OPTC: variants seen among roughly 807,000 people sequenced by gnomAD.
The protein encoded by OPTC is oculoglycan.
Under a neutral mutation model 25.4 loss-of-function variants are expected in OPTC, and 22 were observed. The observed-to-expected ratio is 0.87, with a 90% CI of 0.62 to 1.24. OPTC has a LOEUF of 1.24. Ranked by LOEUF, OPTC falls within the 50% of genes most tolerant of loss-of-function variation. OPTC has a pLI of 0.00. For missense variants in OPTC, 417 were observed against 425.2 expected (o/e 0.98, Z 0.17); for synonymous variants, 169 against 179.3 (o/e 0.94, Z 0.46).
chr1:203,498,829 CAA>C lies in OPTC; in HGVS notation c.521_522del (p.Lys174ArgfsTer9). ...RISRIRAEDF[K>X]GLTKLKRIDL... is the part of the protein sequence containing the mutation. ...TCAGCCGTATCAGGGCCGAAGACTTCAAAGGGCTGAGTATGTAATGCCCTGGG... is the reference window on the plus strand; with the variant it reads ...TCAGCCGTATCAGGGCCGAAGACTTCAGGGCTGAGTATGTAATGCCCTGGG... On this transcript the variant is annotated frameshift_variant, in exon 4 of 8. Transcript: ENST00000367222. LOFTEE classifies it high-confidence loss of function. 1 of 1,613,932 alleles carries C rather than the reference CAA, an allele frequency of 6.2e-7. No homozygotes were observed. Among genetic ancestry groups the C allele is most frequent in the Non-Finnish European group, 8.5e-7 (1 of 1,180,018 alleles).
chr1:203,496,819 G>T (rs186247403), intron 2 of OPTC, among the ~76,000 whole-genome samples, 158 bp from the exon 3 acceptor site: 2 of 152,092 alleles, frequency 1.3e-5, no homozygotes, highest in African/African-American at 2.4e-5. Context: ...GCTCTGTCAG[G>T]TCCCCTTTTT....
rs202210987 is a variant in OPTC, at chr1:203,503,736, C to T, written c.*16C>T. The T allele has an allele frequency of 2.5e-6, 4 of 1,601,440 alleles. No individual in the cohort carries two copies. The highest frequency in any genetic ancestry group is 3.4e-6 in the Non-Finnish European group (4 of 1,179,828). On this transcript the variant is annotated 3_prime_UTR_variant, in exon 7 of 8. Transcript: ENST00000367222. ...CTTCACGTAGCTCGGAGCCCTTCCA[C>T]TCCTCCCAGGTAAGAACCCTCCAAG... is the stretch of plus-strand genomic sequence containing the variant.
chr1:203,506,367 T>C (rs1248124102), intron 7 of OPTC, among the ~76,000 whole-genome samples: 1 of 152,026 alleles, frequency 6.6e-6, no homozygotes. Context: ...GTCAGGCTGG[T>C]CTCGAACTCC....
chr1:203,495,889 A>T (rs1661269231), intron 1 of OPTC, 76 bp from the exon 2 acceptor site: 1 of 734,938 alleles, frequency 1.4e-6, no homozygotes, highest in Non-Finnish European at 2.4e-6. Flanking sequence ...AGTGGAGTAA[A>T]TCTGCGAGCC....
intron 7 of OPTC, among the ~76,000 whole-genome samples, chr1:203,507,231 A>G (rs913133961): frequency 6.6e-6 from 1 of 152,222 alleles, no homozygotes; most frequent in African/African-American, 2.4e-5. Flanking sequence ...GGGAAGGCAG[A>G]GAGCACCTCT....
chr1:203,496,849 C>A, intron 2 of OPTC, 128 bp from the exon 3 acceptor site: 1 of 964,394 alleles, frequency 1.0e-6, no homozygotes, highest in Non-Finnish European at 1.6e-6. Context: ...TTCTGCTATC[C>A]TTCCCTCCTC....
intron 5 of OPTC, 29 bp downstream of exon 5, chr1:203,499,880 A>G (rs760350208): frequency 1.5e-5 from 23 of 1,581,902 alleles, no homozygotes; most frequent in Non-Finnish European, 1.9e-5. Context: ...TCCACTATCT[A>G]TCACCTCCAC....
At chr1:203,497,203 T>A (rs1254234519) in intron 3 of OPTC, 88 bp downstream of exon 3, 1 of 1,476,540 alleles carries the variant, frequency 6.8e-7, no homozygotes, top group Admixed American at 1.8e-5. Context: ...AAGTGGAACG[T>A]GGTTGGGGTT....
chr1:203,497,202 G>A lies in OPTC; in HGVS notation c.370+87G>A, dbSNP rs563668765. 367 of 1,494,130 alleles carry A rather than the reference G, an allele frequency of 2.5e-4. 1 individual carries two copies. The highest frequency in any genetic ancestry group is 3.1e-4 in the Non-Finnish European group (334 of 1,085,804). 92.6% of individuals were successfully genotyped at this position (1,494,130 alleles called of 1,614,324 possible). A position where few individuals can be genotyped will look rare whatever the true frequency, so the allele number is the denominator to read the frequency against. Reference sequence around the variant, plus strand: ...GCACCAGGGGGTACCAAAGTGGAACGTGGTTGGGGTTGGGGCATGGAGGGT... The same window carrying A: ...GCACCAGGGGGTACCAAAGTGGAACATGGTTGGGGTTGGGGCATGGAGGGT... On this transcript the variant is annotated intron_variant, in intron 3 of 7. Transcript: ENST00000367222.
intron 3 of OPTC, 141 bp downstream of exon 3, chr1:203,497,256 A>G: frequency 1.2e-6 from 1 of 834,566 alleles, no homozygotes; most frequent in East Asian, 2.7e-5. Flanking sequence ...CAGGGAGAGA[A>G]GGGGAAATAG....
At chr1:203,506,200 G>A (rs1661484212) in intron 7 of OPTC, among the ~76,000 whole-genome samples, 2 of 150,442 alleles carry the variant, frequency 1.3e-5, no homozygotes, top group African/African-American at 4.9e-5. Flanking sequence ...TGCCCAGGGG[G>A]GAGTGCAATG....
intron 5 of OPTC, 31 bp from the exon 6 acceptor site, chr1:203,502,883 C>T: frequency 6.4e-7 from 1 of 1,574,362 alleles, no homozygotes; most frequent in Admixed American, 1.7e-5. Context: ...CAGGACCCAC[C>T]AGCCTCCTAC....
intron 2 of OPTC, among the ~76,000 whole-genome samples, chr1:203,496,707 G>A (rs1204896855): frequency 6.6e-6 from 1 of 152,052 alleles, no homozygotes; most frequent in Non-Finnish European, 1.5e-5. Context: ...GGGAGAGCAG[G>A]TTTCGTCTCT....
chr1:203,496,753 C>T (rs1661287479), intron 2 of OPTC, among the ~76,000 whole-genome samples: 1 of 152,006 alleles, frequency 6.6e-6, no homozygotes, highest in African/African-American at 2.4e-5. Flanking sequence ...ATCCTCATCC[C>T]TCTCCTCTCT....
intron 1 of OPTC, among the ~76,000 whole-genome samples, 175 bp downstream of exon 1, chr1:203,494,392 A>G (rs1052762414): frequency 2.0e-4 from 31 of 152,196 alleles, no homozygotes; most frequent in African/African-American, 5.8e-4. Context: ...TTTTGAGATT[A>G]TGTAATTCGT....
In OPTC at chr1:203,495,890, T is replaced by C. The variant is rs116154218; in HGVS notation, c.-41-75T>C. On this transcript the variant is annotated intron_variant, in intron 1 of 7. Coordinates refer to ENST00000367222, the MANE Select transcript of OPTC (RefSeq NM_014359.4). ...GTGTGGGGGTGGGAAGTGGAGTAAA[T>C]CTGCGAGCCATTCCCACAACACTCT... The C allele has an allele frequency of 3.9e-3, 2,892 of 736,380 alleles. 57 individuals carry two copies. In the African/African-American group the frequency reaches 0.044, roughly 11 times the overall value. The allele number at this position is 736,380 out of a possible 1,614,324, so 45.6% of individuals were successfully genotyped here.
chr1:203,503,481 G>A (rs1275729199), intron 6 of OPTC, 69 bp from the exon 7 acceptor site: 53 of 1,504,000 alleles, frequency 3.5e-5, no homozygotes, highest in Non-Finnish European at 4.8e-5. Flanking sequence ...GACAGCTGAT[G>A]TGAGCCTTTG....
chr1:203,498,175 G>T (rs1661309327), intron 3 of OPTC, among the ~76,000 whole-genome samples: 1 of 152,212 alleles, frequency 6.6e-6, no homozygotes, highest in African/African-American at 2.4e-5. Context: ...AAATTGGCAT[G>T]CTGATGCCAT....
intron 3 of OPTC, among the ~76,000 whole-genome samples, chr1:203,498,451 G>A (rs1661313324): frequency 6.6e-6 from 1 of 152,190 alleles, no homozygotes; most frequent in Non-Finnish European, 1.5e-5. Flanking sequence ...GTATAAATGG[G>A]CTTGGGCTGG....
Sources: gnomAD v4.1 joint callset for allele counts (sites outside exome capture counted in the v4.1 genomes callset) on GRCh38, gnomAD v4.1.1 for gene constraint, MANE v1.5 for transcripts, NCBI Gene and HGNC (gene_info 2026-07-23, HGNC 2026-07-21) for gene names.